Variants in HYCC1 observed in about 807,000 individuals in gnomAD.
HYCC1 encodes hyccin.
At chr7:22,985,034 T>C in the HYCC1 span, among the ~76,000 whole-genome samples, 4 of 152,134 alleles carry the variant, frequency 2.6e-5, no homozygotes, top group African/African-American at 9.7e-5. Flanking sequence ...TAAAAACCTT[T>C]CCTTCTGGAG....
At chr7:22,922,020 T>C in the HYCC1 span, among the ~76,000 whole-genome samples, 1 of 152,146 alleles carries the variant, frequency 6.6e-6, no homozygotes, top group Non-Finnish European at 1.5e-5. Flanking sequence ...AATGTTTCTC[T>C]AGACAATATT....
the HYCC1 span, among the ~76,000 whole-genome samples, chr7:22,978,871 C>CA: frequency 6.6e-6 from 1 of 152,158 alleles, no homozygotes; most frequent in South Asian, 2.1e-4. Flanking sequence ...GAGTCATCTA[C>CA]AACCTTTTCC....
the HYCC1 span, among the ~76,000 whole-genome samples, chr7:22,911,768 A>G: frequency 1.3e-5 from 2 of 152,216 alleles, no homozygotes; most frequent in Admixed American, 6.5e-5. Flanking sequence ...AAAAATCGTA[A>G]TAATAATACA....
the HYCC1 span, chr7:22,934,485 G>T: frequency 6.6e-6 from 1 of 152,150 alleles, no homozygotes; most frequent in Non-Finnish European, 1.5e-5. Context: ...AATGGAAGAA[G>T]TAGCTGCAGA....
At chr7:22,917,632 T>C in the HYCC1 span, among the ~76,000 whole-genome samples, 1 of 152,298 alleles carries the variant, frequency 6.6e-6, no homozygotes, top group South Asian at 2.1e-4. Flanking sequence ...TTCCCTTCCG[T>C]CAGACATAAT....
At chr7:22,898,339 G>C in the HYCC1 span, among the ~76,000 whole-genome samples, 1 of 150,836 alleles carries the variant, frequency 6.6e-6, no homozygotes, top group Non-Finnish European at 1.5e-5. Flanking sequence ...TCAGCCTCCT[G>C]AGTAGCTAGG....
the HYCC1 span, among the ~76,000 whole-genome samples, chr7:22,954,765 T>G: frequency 1.3e-5 from 2 of 151,576 alleles, no homozygotes; most frequent in Non-Finnish European, 3.0e-5. Context: ...TTTAATTCTT[T>G]TTTACTACTT....
chr7:22,905,386 A>ATTTTTTTTTTTT, the HYCC1 span, among the ~76,000 whole-genome samples: 1 of 44,470 alleles, frequency 2.2e-5, no homozygotes, highest in African/African-American at 9.1e-5. Flanking sequence ...CTAATTTTGT[A>ATTTTTTTTTTTT]TTTTTTTTTT....
chr7:23,007,685 A>G, the HYCC1 span, among the ~76,000 whole-genome samples: 1 of 152,286 alleles, frequency 6.6e-6, no homozygotes, highest in Non-Finnish European at 1.5e-5. Flanking sequence ...AAGGAATACT[A>G]AAGATCAATC....
chr7:22,908,638 T>C, the HYCC1 span, among the ~76,000 whole-genome samples: 1 of 152,160 alleles, frequency 6.6e-6, no homozygotes, highest in Admixed American at 6.6e-5. Flanking sequence ...TCTAATAAAA[T>C]CTGCACTCCA....
chr7:22,943,369 C>T, the HYCC1 span: 2 of 152,092 alleles, frequency 1.3e-5, no homozygotes, highest in South Asian at 2.1e-4. Context: ...TCATAAAAAT[C>T]ACTTGGGAAC....
the HYCC1 span, among the ~76,000 whole-genome samples, chr7:22,954,024 A>G: frequency 6.6e-6 from 1 of 151,656 alleles, no homozygotes; most frequent in Non-Finnish European, 1.5e-5. Flanking sequence ...TGTAAAGTTT[A>G]CTACTTTGGG....
chr7:22,905,593 T>C, the HYCC1 span, among the ~76,000 whole-genome samples: 1 of 152,004 alleles, frequency 6.6e-6, no homozygotes, highest in African/African-American at 2.4e-5. Context: ...AAGGATTTAA[T>C]AATATAATTA....
At chr7:22,946,796 T>G in the HYCC1 span, among the ~76,000 whole-genome samples, 1 of 152,054 alleles carries the variant, frequency 6.6e-6, no homozygotes, top group Non-Finnish European at 1.5e-5. Context: ...AAAAATTTAC[T>G]CAAAGACGAT....
the HYCC1 span, chr7:22,944,299 G>C: frequency 6.6e-6 from 1 of 152,162 alleles, no homozygotes; most frequent in Non-Finnish European, 1.5e-5. Context: ...CGCAACCATA[G>C]CCAAAAGGAC....
the HYCC1 span, among the ~76,000 whole-genome samples, chr7:22,919,560 C>T: frequency 6.6e-6 from 1 of 151,216 alleles, no homozygotes; most frequent in African/African-American, 2.4e-5. Context: ...TTATGATGAC[C>T]ATGTCCCATC....
At chr7:22,995,344 A>T in the HYCC1 span, among the ~76,000 whole-genome samples, 7,736 of 152,102 alleles carry the variant, frequency 0.051, 226 homozygotes, top group Non-Finnish European at 0.055. Context: ...TCCTGCTTAA[A>T]TCTTGGTGAT....
At chr7:22,977,199 A>C in the HYCC1 span, 1 of 657,146 alleles carries the variant, frequency 1.5e-6, no homozygotes, top group Non-Finnish European at 2.8e-6. Flanking sequence ...CTCAATTTGG[A>C]AATAGTAAAT....
chr7:22,979,266 T>C, the HYCC1 span, among the ~76,000 whole-genome samples: 3 of 152,318 alleles, frequency 2.0e-5, no homozygotes, highest in African/African-American at 7.2e-5. Flanking sequence ...AAAGTCAATA[T>C]TGTTTATAAA....
Sources: gnomAD v4.1 joint callset for allele counts (sites outside exome capture counted in the v4.1 genomes callset) on GRCh38, gnomAD v4.1.1 for gene constraint, MANE v1.5 for transcripts, NCBI Gene and HGNC (gene_info 2026-07-23, HGNC 2026-07-21) for gene names.